Variants in CNTNAP2 observed in about 807,000 individuals in gnomAD.
CNTNAP2 encodes the protein contactin-associated protein-like 2.
A neutral mutation model predicts 155.2 loss-of-function variants in CNTNAP2; 98 were observed. The ratio of observed to expected loss-of-function variants is 0.63; its 90% CI spans 0.54 to 0.75. The LOEUF is 0.75. CNTNAP2 is among the 30% of genes least tolerant of loss of function. The probability of loss-of-function intolerance (pLI) is 0.00; values close to 1 mark genes in which losing one functional copy is unlikely to be tolerated. For missense variants in CNTNAP2, 1,727 were observed against 1,688.1 expected (o/e 1.02, Z -0.40); for synonymous variants, 651 against 631.2 (o/e 1.03, Z -0.47).
chr7:146,989,145 G>T (rs1279139646), intron 3 of CNTNAP2, among the ~76,000 whole-genome samples: 1 of 152,146 alleles, frequency 6.6e-6, no homozygotes, highest in African/African-American at 2.4e-5. Flanking sequence ...TAAGTATGCA[G>T]GAGGTTTAGC....
At chr7:147,369,755 T>C (rs1796311215) in intron 9 of CNTNAP2, among the ~76,000 whole-genome samples, 1 of 152,220 alleles carries the variant, frequency 6.6e-6, no homozygotes, top group Admixed American at 6.5e-5. Flanking sequence ...CATGCCTGAT[T>C]GAGGCCCTCC....
chr7:147,384,406 G>A (rs1038037852), intron 9 of CNTNAP2, among the ~76,000 whole-genome samples: 7 of 152,170 alleles, frequency 4.6e-5, no homozygotes, highest in Admixed American at 2.0e-4. Context: ...TTAGGGTTAG[G>A]GATCTCTCTA....
chr7:148,410,142 G>A (rs1260447899), intron 23 of CNTNAP2, among the ~76,000 whole-genome samples: 1 of 151,688 alleles, frequency 6.6e-6, no homozygotes, highest in African/African-American at 2.4e-5. Context: ...AAATAGCAGT[G>A]GAAAGCTGGA....
chr7:146,841,567 C>T (rs1803724892), intron 3 of CNTNAP2, among the ~76,000 whole-genome samples: 1 of 151,898 alleles, frequency 6.6e-6, no homozygotes, highest in South Asian at 2.1e-4. Context: ...GGTTTACTTT[C>T]TGTGATTTCT....
At chr7:147,613,501 C>A (rs541389874) in intron 12 of CNTNAP2, among the ~76,000 whole-genome samples, 4 of 152,108 alleles carry the variant, frequency 2.6e-5, no homozygotes, top group Non-Finnish European at 5.9e-5. Context: ...CCATATGTAC[C>A]CATTTCTCCC....
intron 13 of CNTNAP2, among the ~76,000 whole-genome samples, chr7:147,659,794 A>G (rs1014260489): frequency 2.0e-5 from 3 of 152,210 alleles, no homozygotes; most frequent in Non-Finnish European, 2.9e-5. Flanking sequence ...GAGGTGATGT[A>G]ACATAAAACA....
rs568966772 is a variant in CNTNAP2 at position 146,492,159 on chromosome 7, G to A, written c.98-282112G>A. Among the ~76,000 whole-genome samples, 14 of 151,614 alleles carry A rather than the reference G, an allele frequency of 9.2e-5. No homozygotes were observed. In the South Asian group the frequency reaches 2.7e-3, roughly 29 times the overall value. On this transcript the variant is annotated intron_variant, in intron 1 of 23. Coordinates refer to ENST00000361727, the MANE Select transcript of CNTNAP2 (RefSeq NM_014141.6). ...TTTTCATCCTTGTGCACACAATGGTGCACTGCCAAATGGAAATGTTTGCTA... is the reference window on the plus strand; with the variant it reads ...TTTTCATCCTTGTGCACACAATGGTACACTGCCAAATGGAAATGTTTGCTA...
At chr7:147,038,621 C>T (rs1048906484) in intron 3 of CNTNAP2, among the ~76,000 whole-genome samples, 1 of 152,188 alleles carries the variant, frequency 6.6e-6, no homozygotes, top group Admixed American at 6.5e-5. Context: ...TTTCTTTTCA[C>T]TCAGCGTGCA....
intron 14 of CNTNAP2, among the ~76,000 whole-genome samples, chr7:147,946,265 A>T (rs1247213807): frequency 6.6e-6 from 1 of 152,188 alleles, no homozygotes; most frequent in Non-Finnish European, 1.5e-5. Flanking sequence ...GGAGAGCAGC[A>T]GGTAGACATG....
intron 3 of CNTNAP2, among the ~76,000 whole-genome samples, chr7:146,953,308 G>C (rs766108894): frequency 1.3e-5 from 2 of 151,878 alleles, no homozygotes; most frequent in Non-Finnish European, 2.9e-5. Flanking sequence ...GTGTACTTAG[G>C]AATCACATAT....
intron 9 of CNTNAP2, among the ~76,000 whole-genome samples, chr7:147,306,278 C>G (rs990513542): frequency 1.3e-5 from 2 of 152,086 alleles, no homozygotes; most frequent in Admixed American, 1.3e-4. Context: ...AAAGATGGCT[C>G]TTATGAAGTT....
intron 1 of CNTNAP2, among the ~76,000 whole-genome samples, chr7:146,526,551 A>T (rs1797694171): frequency 6.6e-6 from 1 of 152,090 alleles, no homozygotes; most frequent in Non-Finnish European, 1.5e-5. Context: ...CACCAAGGGG[A>T]TGGTGCTCAA....
At chr7:146,633,891 T>A (rs1222567621) in intron 1 of CNTNAP2, among the ~76,000 whole-genome samples, 2 of 146,312 alleles carry the variant, frequency 1.4e-5, no homozygotes, top group Non-Finnish European at 3.0e-5. Flanking sequence ...TCAGTAGGTG[T>A]ACTTTTGGAG....
intron 3 of CNTNAP2, among the ~76,000 whole-genome samples, chr7:146,908,030 A>G (rs1796178682): frequency 6.6e-6 from 1 of 152,166 alleles, no homozygotes; most frequent in African/African-American, 2.4e-5. Context: ...ACTTTAAACC[A>G]ACAAAGATCA....
intron 3 of CNTNAP2, among the ~76,000 whole-genome samples, chr7:147,033,190 A>ATATG (rs1554427725): frequency 5.4e-5 from 5 of 92,476 alleles, no homozygotes; most frequent in Non-Finnish European, 9.0e-5. Context: ...ATATATATAT[A>ATATG]TATATATATA....
In CNTNAP2 at chr7:147,709,288, T is replaced by G. The variant is rs192682379; in HGVS notation, c.2098+69982T>G. On this transcript the variant is annotated intron_variant, in intron 13 of 23. Transcript: ENST00000361727. The stretch of plus-strand genomic sequence containing the variant: ...CTGGTAAAGAATTTTAGATCTGCAC[T>G]GAGATCTGTCAGCTTCCTATGCCCA... 4.3e-3 allele frequency among the ~76,000 whole-genome samples: 650 copies of G among 152,302 alleles called. 3 individuals carry two copies. The highest frequency in any genetic ancestry group is 0.015 in the African/African-American group (625 of 41,574).
intron 1 of CNTNAP2, among the ~76,000 whole-genome samples, chr7:146,380,703 C>A (rs1286278636): frequency 1.0e-4 from 15 of 145,230 alleles, no homozygotes; most frequent in Admixed American, 9.0e-4. Flanking sequence ...TTGTTTGTAT[C>A]ATTTCTTACT....
At chr7:147,385,071 G>A (rs898150802) in intron 9 of CNTNAP2, among the ~76,000 whole-genome samples, 27 of 152,298 alleles carry the variant, frequency 1.8e-4, no homozygotes, top group Non-Finnish European at 3.4e-4. Context: ...GAGAACTTGT[G>A]CAGGGAAACT....
chr7:147,042,264 C>T (rs1390136141), intron 3 of CNTNAP2, among the ~76,000 whole-genome samples: 1 of 152,078 alleles, frequency 6.6e-6, no homozygotes, highest in Non-Finnish European at 1.5e-5. Flanking sequence ...GAAGAACATC[C>T]CAATTTTTAA....
Sources: allele counts gnomAD v4.1 joint callset (sites outside exome capture counted in the v4.1 genomes callset), GRCh38; gene constraint gnomAD v4.1.1; transcripts MANE v1.5; gene names NCBI Gene and HGNC (gene_info 2026-07-23, HGNC 2026-07-21).